Variants in RIGI observed in about 807,000 individuals in gnomAD.
RIGI encodes the protein antiviral innate immune response receptor RIG-I.
At chr9:32,489,283 CA>C in the RIGI span, 2 of 1,231,262 alleles carry the variant, frequency 1.6e-6, no homozygotes, top group Non-Finnish European at 2.3e-6. Flanking sequence ...TCCCAGTATT[CA>C]ACAAAAGAAA....
the RIGI span, among the ~76,000 whole-genome samples, chr9:32,504,228 T>C: frequency 6.6e-6 from 1 of 152,050 alleles, no homozygotes; most frequent in Non-Finnish European, 1.5e-5. Flanking sequence ...CAGAGAGGGT[T>C]AGAGTAAACG....
the RIGI span, among the ~76,000 whole-genome samples, chr9:32,472,678 G>A: frequency 2.6e-5 from 4 of 152,124 alleles, no homozygotes; most frequent in East Asian, 3.8e-4. Context: ...TGCCCTACAC[G>A]CTTCAGACTT....
the RIGI span, among the ~76,000 whole-genome samples, chr9:32,502,778 C>T: frequency 6.6e-6 from 1 of 152,198 alleles, no homozygotes; most frequent in African/African-American, 2.4e-5. Flanking sequence ...TTCTGTTTCT[C>T]TGGCTTGTGG....
the RIGI span, among the ~76,000 whole-genome samples, chr9:32,507,302 T>C: frequency 4.6e-5 from 7 of 152,214 alleles, no homozygotes; most frequent in African/African-American, 1.7e-4. Context: ...TAGGATCACT[T>C]TGGCAAAGCT....
chr9:32,510,174 T>G, the RIGI span, among the ~76,000 whole-genome samples: 1 of 152,124 alleles, frequency 6.6e-6, no homozygotes, highest in Non-Finnish European at 1.5e-5. Flanking sequence ...GTCAGGATGT[T>G]ATCCAGGAGA....
the RIGI span, among the ~76,000 whole-genome samples, chr9:32,497,416 T>C: frequency 6.6e-6 from 1 of 152,344 alleles, no homozygotes; most frequent in African/African-American, 2.4e-5. Context: ...TTAGTTCTAA[T>C]AGTTTTTTCT....
chr9:32,513,149 G>A, the RIGI span, among the ~76,000 whole-genome samples: 1 of 151,718 alleles, frequency 6.6e-6, no homozygotes, highest in African/African-American at 2.4e-5. Flanking sequence ...TACTGCCCAA[G>A]GTAATTTATA....
the RIGI span, chr9:32,487,431 G>C: frequency 6.2e-7 from 1 of 1,600,376 alleles, no homozygotes; most frequent in Non-Finnish European, 8.6e-7. Context: ...GTAGTAGAGA[G>C]TAACAGAATC....
chr9:32,475,872 A>G, the RIGI span, among the ~76,000 whole-genome samples: 1 of 152,198 alleles, frequency 6.6e-6, no homozygotes, highest in African/African-American at 2.4e-5. Context: ...TGTCAAGAGA[A>G]TAAGCAGACA....
At chr9:32,455,738 G>T in the RIGI span, 1 of 152,096 alleles carries the variant, frequency 6.6e-6, no homozygotes, top group African/African-American at 2.4e-5. Flanking sequence ...TTGGGTCTTA[G>T]TAAGAATACT....
the RIGI span, chr9:32,481,230 TA>T: frequency 8.9e-7 from 1 of 1,123,908 alleles, no homozygotes; most frequent in Non-Finnish European, 1.3e-6. Context: ...GAAAGGTTCC[TA>T]AGTGAGCTCT....
the RIGI span, chr9:32,467,831 T>A: frequency 6.2e-7 from 1 of 1,613,818 alleles, no homozygotes; most frequent in Non-Finnish European, 8.5e-7. Context: ...CACTGTGCAA[T>A]GTCAATGCCT....
At chr9:32,517,082 A>G in the RIGI span, among the ~76,000 whole-genome samples, 1 of 152,218 alleles carries the variant, frequency 6.6e-6, no homozygotes, top group African/African-American at 2.4e-5. Context: ...GTGGAGTCCC[A>G]TGTATTCTGG....
chr9:32,486,596 T>G, the RIGI span, among the ~76,000 whole-genome samples: 3 of 151,522 alleles, frequency 2.0e-5, no homozygotes, highest in African/African-American at 7.3e-5. Flanking sequence ...GTCATGTATA[T>G]TCCATCACAA....
At chr9:32,522,078 C>T in the RIGI span, among the ~76,000 whole-genome samples, 1 of 152,166 alleles carries the variant, frequency 6.6e-6, no homozygotes, top group Non-Finnish European at 1.5e-5. Flanking sequence ...TAATTAGAGT[C>T]CCTCTTAATT....
At chr9:32,502,826 C>G in the RIGI span, among the ~76,000 whole-genome samples, 2 of 152,204 alleles carry the variant, frequency 1.3e-5, no homozygotes, top group Admixed American at 6.5e-5. Flanking sequence ...TTTCACACAG[C>G]ATTCTCGTTG....
At chr9:32,498,593 T>A in the RIGI span, among the ~76,000 whole-genome samples, 1 of 152,332 alleles carries the variant, frequency 6.6e-6, no homozygotes, top group Non-Finnish European at 1.5e-5. Context: ...AAAAATTATG[T>A]AATATTTGAT....
chr9:32,523,497 C>T, the RIGI span, among the ~76,000 whole-genome samples: 2 of 152,136 alleles, frequency 1.3e-5, no homozygotes, highest in Non-Finnish European at 2.9e-5. Context: ...CATTTATTCA[C>T]CCAAGGACCA....
At chr9:32,500,762 A>G in the RIGI span, 2 of 1,589,322 alleles carry the variant, frequency 1.3e-6, no homozygotes, top group East Asian at 2.2e-5. Flanking sequence ...GTCAAGCAGC[A>G]AAGTAATATC....
Sources: allele counts gnomAD v4.1 joint callset (sites outside exome capture counted in the v4.1 genomes callset), GRCh38; gene constraint gnomAD v4.1.1; transcripts MANE v1.5; gene names NCBI Gene and HGNC (gene_info 2026-07-23, HGNC 2026-07-21).